The following DPP6 variants were observed in gnomAD, a reference collection of about 807,000 sequenced individuals.
The protein encoded by DPP6 is dipeptidyl peptidase like 6, also known as A-type potassium channel modulatory protein DPP6.
A neutral mutation model predicts 122.6 loss-of-function variants in DPP6; 69 were observed. The observed-to-expected ratio is 0.56, with a 90% CI of 0.46 to 0.69. DPP6 has a LOEUF of 0.69. DPP6 is among the 30% of genes least tolerant of loss of function. The pLI is 0.00. For missense variants in DPP6, 928 were observed against 1,116.9 expected (o/e 0.83, Z 2.41); for synonymous variants, 418 against 433.1 (o/e 0.97, Z 0.43).
In DPP6 at chr7:153,969,614, G is replaced by A. The variant is rs906187005; in HGVS notation, c.51+81880G>A. ...TCCCCTGAGATTGTTTTCCTTCATTGCACAGTAAGTTCATATTCTACTGCT... is the reference window on the plus strand; with the variant it reads ...TCCCCTGAGATTGTTTTCCTTCATTACACAGTAAGTTCATATTCTACTGCT... On this transcript the variant is annotated intron_variant, in intron 1 of 25. Coordinates refer to the DPP6 transcript ENST00000404039. Among the ~76,000 whole-genome samples the A allele has an allele frequency of 2.7e-5, 4 of 148,128 alleles. 1 individual carries two copies. Among genetic ancestry groups the A allele is most frequent in the African/African-American group, 7.9e-5 (3 of 37,792 alleles).
chr7:154,861,728 C>T (rs567221298), intron 17 of DPP6, among the ~76,000 whole-genome samples: 4 of 152,194 alleles, frequency 2.6e-5, no homozygotes, highest in East Asian at 1.9e-4. Context: ...CATCTCTTAG[C>T]GAGCTGGGTG....
Position 154,659,413 on chromosome 7 carries a change from C to T in DPP6, c.681-9947C>T, listed in dbSNP as rs547882274. 2.6e-5 allele frequency among the ~76,000 whole-genome samples: 4 copies of T among 152,358 alleles called. No individual in the cohort carries two copies. In the South Asian group the frequency reaches 8.3e-4, roughly 32 times the overall value. On this transcript the variant is annotated intron_variant, in intron 6 of 25. Coordinates refer to ENST00000377770, the MANE Select transcript of DPP6 (RefSeq NM_130797.4). ...AAGGGAACACACATATACATCTACA[C>T]ATTCACATATATACGTTGTGTGTAT... is the stretch of plus-strand genomic sequence containing the variant.
intron 1 of DPP6, among the ~76,000 whole-genome samples, chr7:154,022,429 A>T (rs1008280929): frequency 6.6e-6 from 1 of 152,232 alleles, no homozygotes; most frequent in African/African-American, 2.4e-5. Context: ...TAGAAAAAAA[A>T]GGGGAAGAAA....
At chr7:154,644,240 A>T (rs928647822) in intron 6 of DPP6, among the ~76,000 whole-genome samples, 8 of 152,232 alleles carry the variant, frequency 5.3e-5, no homozygotes, top group Non-Finnish European at 1.2e-4. Context: ...AAAATTCTGG[A>T]TTCAATTAGC....
At chr7:154,791,372 G>C (rs773695966) in intron 10 of DPP6, among the ~76,000 whole-genome samples, 15 of 152,158 alleles carry the variant, frequency 9.9e-5, no homozygotes, top group Admixed American at 2.6e-4. Context: ...TCACAATCAT[G>C]GTGGAAGACG....
intron 1 of DPP6, among the ~76,000 whole-genome samples, chr7:154,218,040 A>C (rs1438063884): frequency 6.6e-6 from 1 of 152,234 alleles, no homozygotes; most frequent in Non-Finnish European, 1.5e-5. Flanking sequence ...TATGAAAAAA[A>C]GAAGCCAAAT....
At chr7:154,272,547 A>G (rs1424012904) in intron 1 of DPP6, among the ~76,000 whole-genome samples, 2 of 152,232 alleles carry the variant, frequency 1.3e-5, no homozygotes, top group Non-Finnish European at 2.9e-5. Context: ...TCTCACTTGG[A>G]ATTCAATTTT....
intron 7 of DPP6, among the ~76,000 whole-genome samples, chr7:154,689,730 T>C (rs768272205): frequency 3.3e-4 from 50 of 152,198 alleles, no homozygotes; most frequent in Non-Finnish European, 6.6e-4. Flanking sequence ...CCAATTCACT[T>C]CAACAAATCT....
At chr7:154,413,010 C>T (rs1816741941) in intron 1 of DPP6, among the ~76,000 whole-genome samples, 1 of 152,230 alleles carries the variant, frequency 6.6e-6, no homozygotes, top group Non-Finnish European at 1.5e-5. Flanking sequence ...GCATCAGCAT[C>T]CCCTGGGAGT....
In DPP6 at chr7:154,685,527, A is replaced by T. The variant is rs184124082; in HGVS notation, c.762+16086A>T. ...GAGCATCCTGGGTTTAGATGCTTAC[A>T]GGCGGGACTGGGACTGGATGACCTC... On this transcript the variant is annotated intron_variant, in intron 7 of 25. Transcript: ENST00000377770. Among the ~76,000 whole-genome samples the T allele has an allele frequency of 3.7e-3, 559 of 152,312 alleles. 9 individuals are homozygous for T. The highest frequency in any genetic ancestry group is 0.016 in the Admixed American group (240 of 15,298).
At chr7:154,378,253 T>C (rs994036837) in intron 1 of DPP6, among the ~76,000 whole-genome samples, 23 of 152,210 alleles carry the variant, frequency 1.5e-4, no homozygotes, top group African/African-American at 4.3e-4. Flanking sequence ...CATATCTTAC[T>C]CTATACATGA....
At chr7:153,931,786 C>T (rs531464594) in intron 1 of DPP6, among the ~76,000 whole-genome samples, 1 of 152,326 alleles carries the variant, frequency 6.6e-6, no homozygotes, top group East Asian at 1.9e-4. Flanking sequence ...TCAACAGCCT[C>T]TTAAAAGTGT....
chr7:154,818,537 G>A (rs948075361), intron 16 of DPP6, among the ~76,000 whole-genome samples: 12 of 152,204 alleles, frequency 7.9e-5, no homozygotes, highest in South Asian at 2.1e-4. Flanking sequence ...CATAGTTTGC[G>A]TCTTCATTGA....
In DPP6 at chr7:154,750,235, C is replaced by T. The variant is rs79080520; in HGVS notation, c.884-19182C>T. Among the ~76,000 whole-genome samples the T allele has an allele frequency of 2.0e-5, 3 of 152,298 alleles. 1 individual carries two copies. The East Asian group carries it at 5.8e-4, about 29-fold the overall frequency. ...AGGCCTGCAGCAGGCAGAACCTATCCGTAGATGAACACCCTCGCTCTCCAG... is the reference window on the plus strand; with the variant it reads ...AGGCCTGCAGCAGGCAGAACCTATCTGTAGATGAACACCCTCGCTCTCCAG... On this transcript the variant is annotated intron_variant, in intron 8 of 25. Transcript: ENST00000377770.
chr7:153,806,761 G>A, the DPP6 span, among the ~76,000 whole-genome samples: 2 of 151,948 alleles, frequency 1.3e-5, no homozygotes, highest in Non-Finnish European at 2.9e-5. Flanking sequence ...TGGTCATTTA[G>A]GAATGCCCAT....
At chr7:153,887,859 C>T in intron 1 of DPP6, 4 of 1,090,972 alleles carry the variant, frequency 3.7e-6, no homozygotes, top group Non-Finnish European at 3.7e-6. Context: ...TGCCCGCGCG[C>T]GGCGGCGCTT....
At chr7:154,673,540 G>A (rs990710364) in intron 7 of DPP6, among the ~76,000 whole-genome samples, 1 of 152,178 alleles carries the variant, frequency 6.6e-6, no homozygotes, top group Non-Finnish European at 1.5e-5. Context: ...GGTGGGAGGA[G>A]GCCCCCAGGC....
the DPP6 span, among the ~76,000 whole-genome samples, chr7:153,798,133 T>C: frequency 1.8e-4 from 28 of 152,236 alleles, no homozygotes; most frequent in East Asian, 3.9e-4. Flanking sequence ...TGAGCCACCG[T>C]GCCCAGCCCC....
chr7:154,806,105 A>C (rs559207763), intron 15 of DPP6, among the ~76,000 whole-genome samples: 6 of 152,050 alleles, frequency 3.9e-5, no homozygotes, highest in Admixed American at 6.6e-5. Context: ...CATCGTCACC[A>C]TGTGTCTACT....
Sources: gnomAD v4.1 joint callset for allele counts (sites outside exome capture counted in the v4.1 genomes callset) on GRCh38, gnomAD v4.1.1 for gene constraint, MANE v1.5 for transcripts, NCBI Gene and HGNC (gene_info 2026-07-23, HGNC 2026-07-21) for gene names.